The following MYO15B variants were observed in gnomAD, a reference collection of about 807,000 sequenced individuals.
MYO15B encodes myosin XVB, also known as myosin XVB pseudogene.
Under a neutral mutation model 119.3 loss-of-function variants are expected in MYO15B, and 207 were observed. The observed-to-expected ratio is 1.73, with a 90% CI of 1.55 to 1.95. The LOEUF (loss-of-function observed/expected upper bound fraction) is 1.95, where lower values mean the gene tolerates loss of function less well. Among genes scored for constraint, MYO15B ranks in the 30% most tolerant of loss-of-function variants. The probability of loss-of-function intolerance (pLI) is 0.00; values close to 1 mark genes in which losing one functional copy is unlikely to be tolerated. For missense variants in MYO15B, 2,264 were observed against 1,203.1 expected (o/e 1.88, Z -13.04); for synonymous variants, 966 against 498.9 (o/e 1.94, Z -12.48).
exon 57 of MYO15B, chr17:75,624,438 G>T (rs1404704639): frequency 2.8e-6 from 2 of 702,616 alleles, no homozygotes; most frequent in African/African-American, 1.7e-5. Flanking sequence ...CGAATATCCA[G>T]ACTTTCACAG....
exon 1 of MYO15B, chr17:75,590,083 C>G (rs1394370347): frequency 1.8e-5 from 7 of 399,066 alleles, no homozygotes; most frequent in African/African-American, 4.1e-5. Context: ...CCGTGGGTCC[C>G]TGAGGGAGCT....
exon 38 of MYO15B, chr17:75,616,413 G>GAGC (rs1377389560): frequency 1.6e-6 from 1 of 626,494 alleles, no homozygotes; most frequent in East Asian, 2.7e-5. Flanking sequence ...GGAGGAGGAG[G>GAGC]AGCAGGAGGA....
chr17:75,616,459 T>C lies in MYO15B; in HGVS notation c.6244+13T>C, dbSNP rs954747404. The C allele has an allele frequency of 1.5e-6, 1 of 654,636 alleles. No individual in the cohort carries two copies. Among genetic ancestry groups the C allele is most frequent in the Admixed American group, 2.3e-5 (1 of 43,754 alleles). 40.6% of individuals were successfully genotyped at this position (654,636 alleles called of 1,614,324 possible). ...GAAACAAGAGCAGGTTGTGGGGAGC[T>C]GGGCAGGGCCTGGGGCTCCGGTGGC... On this transcript the variant is annotated intron_variant, in intron 38 of 63. Transcript: ENST00000645453.
exon 64 of MYO15B, chr17:75,626,770 G>A (rs1040632813): frequency 5.6e-6 from 3 of 533,912 alleles, no homozygotes; most frequent in African/African-American, 3.8e-5. Flanking sequence ...CCGACCCCAG[G>A]CTCCGCCCAG....
exon 10 of MYO15B, chr17:75,594,575 C>T: frequency 1.5e-6 from 1 of 661,512 alleles, no homozygotes; most frequent in East Asian, 2.7e-5. Context: ...GGGGCTGTCA[C>T]CAGGAGGGTC....
intron 19 of MYO15B, 139 bp downstream of exon 19, chr17:75,603,451 G>A (rs551554270): frequency 9.7e-5 from 59 of 610,474 alleles, no homozygotes; most frequent in African/African-American, 3.7e-4. Context: ...CTCTCTCCTC[G>A]TCCTCTCATC....
At chr17:75,621,219 C>A (rs1236526581) in intron 50 of MYO15B, 43 bp downstream of exon 50, 7 of 666,004 alleles carry the variant, frequency 1.1e-5, no homozygotes, top group African/African-American at 7.1e-5. Flanking sequence ...TGTCCTCAGT[C>A]TTCCTGAGAG....
chr17:75,610,168 AGCGGTACCTCCG>A lies in MYO15B; in HGVS notation c.4300_4311del (p.Tyr1434_Arg1437del), dbSNP rs2057930159. 7.2e-6 allele frequency: 5 copies of A among 699,292 alleles called. No homozygotes were observed. In the East Asian group the frequency reaches 1.3e-4, roughly 19 times the overall value. The allele number at this position is 699,292 out of a possible 1,614,324, so 43.3% of individuals were successfully genotyped here. On this transcript the variant is annotated inframe_deletion, in exon 22 of 64. Transcript: ENST00000645453. ...CCCCGCTCTTTCCCGGCCTCCAGGA[AGCGGTACCTCCG>A]GCGGCGGGCAGCTTTGGGACAGCTG...
Position 75,619,918 on chromosome 17 carries a change from C to T in MYO15B, c.7341C>T (p.Ser2447=), listed in dbSNP as rs558873773. 768 of 702,642 alleles carry T rather than the reference C, an allele frequency of 1.1e-3. 2 individuals are homozygous for T. Among genetic ancestry groups the T allele is most frequent in the South Asian group, 3.4e-3 (231 of 67,552 alleles). 43.5% of individuals were successfully genotyped at this position (702,642 alleles called of 1,614,324 possible). A position where few individuals can be genotyped will look rare whatever the true frequency, so the allele number is the denominator to read the frequency against. Residue 2447 remains serine, a synonymous_variant, in exon 47 of 64, where the codon TCC becomes TCT. Coordinates refer to ENST00000645453, the Ensembl canonical transcript of MYO15B. ...TGGGTGTGGAGTGCCGGGGCGGCTC[C>T]ACCCTGGAGCTGTCACTGAAGAGCG...
At chr17:75,616,902 G>C (rs1236853194) in exon 40 of MYO15B, 2 of 702,852 alleles carry the variant, frequency 2.8e-6, no homozygotes, top group South Asian at 1.5e-5. Context: ...GAGGAAAATC[G>C]ACCCCAAGGA....
exon 1 of MYO15B, chr17:75,590,159 G>C: frequency 2.5e-6 from 1 of 399,126 alleles, no homozygotes; most frequent in Non-Finnish European, 4.4e-6. Context: ...CTCCGGCCGG[G>C]CCTGGAGGCG....
chr17:75,596,378 G>A (rs961654147), intron 12 of MYO15B, 82 bp from the exon 13 acceptor site: 10 of 687,834 alleles, frequency 1.5e-5, no homozygotes, highest in African/African-American at 5.3e-5. Context: ...TCATCCCTGC[G>A]CCCTGGCCAG....
chr17:75,611,761 C>T, intron 24 of MYO15B, 103 bp downstream of exon 24: 2 of 695,690 alleles, frequency 2.9e-6, no homozygotes, highest in Admixed American at 2.0e-5. Flanking sequence ...TCCAGACTCC[C>T]CTGAGCTCAT....
At chr17:75,625,960 A>G (rs2059025110) in exon 62 of MYO15B, 1 of 702,098 alleles carries the variant, frequency 1.4e-6, no homozygotes, top group Admixed American at 2.0e-5. Flanking sequence ...TCTCATCCTC[A>G]TGGACCCCAG....
At chr17:75,612,755 T>A (rs560146486) in intron 25 of MYO15B, 43 bp from the exon 26 acceptor site, 1 of 702,594 alleles carries the variant, frequency 1.4e-6, no homozygotes, top group East Asian at 2.7e-5. Context: ...CTGGGCTGTC[T>A]GATAGCTGGT....
exon 56 of MYO15B, chr17:75,624,198 C>T (rs2148152919): frequency 2.8e-6 from 2 of 702,998 alleles, no homozygotes; most frequent in African/African-American, 3.5e-5. Flanking sequence ...CAGCCAGGAG[C>T]ACCTCCAGCG....
intron 19 of MYO15B, 146 bp from the exon 20 acceptor site, chr17:75,605,358 A>C: frequency 1.7e-6 from 1 of 582,928 alleles, no homozygotes; most frequent in Admixed American, 2.9e-5. Flanking sequence ...AATGGCCTGA[A>C]CCCGGGAGGC....
rs568188907 is a variant in MYO15B, at chr17:75,625,837, C to T, written c.8939-7C>T. On this transcript the variant is annotated splice_region_variant and splice_polypyrimidine_tract_variant and intron_variant, in intron 61 of 63. Coordinates refer to ENST00000645453, the Ensembl canonical transcript of MYO15B. Reference sequence around the variant, plus strand: ...AGATTTCCTGCCTGCACCCTCTCCACCCGCAGAGGCCATGAGCCAGCTGCC... The same window carrying T: ...AGATTTCCTGCCTGCACCCTCTCCATCCGCAGAGGCCATGAGCCAGCTGCC... 2 of 702,592 alleles carry T rather than the reference C, an allele frequency of 2.8e-6. No homozygotes were observed. Among genetic ancestry groups the T allele is most frequent in the African/African-American group, 3.5e-5 (2 of 57,256 alleles). 43.5% of individuals were successfully genotyped at this position (702,592 alleles called of 1,614,324 possible).
chr17:75,624,178 T>G, exon 56 of MYO15B: 1 of 702,926 alleles, frequency 1.4e-6, no homozygotes. Context: ...TCTGCAGAGC[T>G]GGCCCGGAGC....
Sources: allele counts gnomAD v4.1 joint callset, GRCh38; gene constraint gnomAD v4.1.1; transcripts MANE v1.5; gene names NCBI Gene and HGNC (gene_info 2026-07-23, HGNC 2026-07-21).